Variants in CLIC4 observed in about 807,000 individuals in gnomAD.
CLIC4 encodes the protein CLIC family member 4.
Under a neutral mutation model 24.6 loss-of-function variants are expected in CLIC4, and 13 were observed. That is an observed-to-expected ratio of 0.53 (90% CI 0.34 to 0.84). The LOEUF is 0.84. CLIC4 is among the 40% of genes least tolerant of loss of function. The pLI, the probability that CLIC4 is intolerant of heterozygous loss-of-function variation, is 0.01. For missense variants in CLIC4, 227 were observed against 301.7 expected, an observed-to-expected ratio of 0.75 and a Z score of 1.83; for synonymous variants, 104 against 111.3, an observed-to-expected ratio of 0.93 and a Z score of 0.41.
At chr1:24,808,851 T>C (rs1030917391) in intron 2 of CLIC4, among the ~76,000 whole-genome samples, 1 of 151,978 alleles carries the variant, frequency 6.6e-6, no homozygotes, top group Admixed American at 6.6e-5. Context: ...TAATTTTTTT[T>C]ATTTTTAGTA....
At chr1:24,826,882 A>G in intron 3 of CLIC4, 128 bp from the exon 4 acceptor site, 1 of 584,004 alleles carries the variant, frequency 1.7e-6, no homozygotes, top group Non-Finnish European at 3.0e-6. Context: ...CATAGAAAAC[A>G]AATGATGGTA....
intron 1 of CLIC4, among the ~76,000 whole-genome samples, chr1:24,792,036 G>A (rs1412409222): frequency 2.2e-5 from 3 of 135,774 alleles, no homozygotes; most frequent in African/African-American, 8.4e-5. Context: ...GCAACAGAGC[G>A]AGACTCCACC....
chr1:24,770,301 T>C (rs2124100705), intron 1 of CLIC4, among the ~76,000 whole-genome samples: 1 of 150,742 alleles, frequency 6.6e-6, no homozygotes, highest in African/African-American at 2.4e-5. Context: ...CCTTCAGAGG[T>C]TGGTAGAAAA....
rs576105299 is a variant in CLIC4, at chr1:24,757,789, A to G, written c.72+12164A>G. The stretch of plus-strand genomic sequence containing the variant: ...TTTCTTTTCTTTCTTTTTTTTTGAG[A>G]CACAGTCTTCCTCTGTGGCCCAGGC... On this transcript the variant is annotated intron_variant, in intron 1 of 5. Transcript: ENST00000374379. Among the ~76,000 whole-genome samples, 22 of 150,350 alleles carry G rather than the reference A, an allele frequency of 1.5e-4. 1 individual carries two copies. In the East Asian group the frequency reaches 3.9e-3, roughly 27 times the overall value.
intron 1 of CLIC4, among the ~76,000 whole-genome samples, chr1:24,786,222 G>A (rs537404903): frequency 9.9e-5 from 15 of 152,284 alleles, no homozygotes; most frequent in Admixed American, 2.6e-4. Flanking sequence ...AGAGAAGAAT[G>A]AAGTTAAAGC....
chr1:24,826,244 G>T (rs1475626663), intron 3 of CLIC4, among the ~76,000 whole-genome samples: 1 of 152,166 alleles, frequency 6.6e-6, no homozygotes, highest in Admixed American at 6.5e-5. Flanking sequence ...TCATTTTGTT[G>T]TTGTTCGGTG....
At chr1:24,789,808 G>GT (rs1034269280) in intron 1 of CLIC4, among the ~76,000 whole-genome samples, 3 of 151,156 alleles carry the variant, frequency 2.0e-5, no homozygotes, top group South Asian at 4.2e-4. Context: ...GAGGCTTTCT[G>GT]TTTTTTCATT....
rs578037809 is a variant in CLIC4, at chr1:24,803,669, C to T, written c.182+5818C>T. 3.3e-5 allele frequency among the ~76,000 whole-genome samples: 5 copies of T among 152,212 alleles called. No homozygotes were observed. In the East Asian group the frequency reaches 5.8e-4, roughly 18 times the overall value. ...CACAAAGAATTTCAATTTACATCAA[C>T]GATTTGAACAAAAGCTTCAGATAAT... On this transcript the variant is annotated intron_variant, in intron 2 of 5. Coordinates refer to ENST00000374379, the MANE Select transcript of CLIC4 (RefSeq NM_013943.3).
intron 2 of CLIC4, among the ~76,000 whole-genome samples, chr1:24,799,206 C>T (rs1441800393): frequency 2.0e-5 from 3 of 150,956 alleles, no homozygotes; most frequent in Non-Finnish European, 4.4e-5. Context: ...TGAGGAGCGG[C>T]GCCTCTTCCC....
intron 2 of CLIC4, among the ~76,000 whole-genome samples, chr1:24,811,342 A>G (rs1639612735): frequency 6.6e-6 from 1 of 152,186 alleles, no homozygotes; most frequent in African/African-American, 2.4e-5. Context: ...CGAGAGGAGA[A>G]TGAGAGTGAA....
chr1:24,811,240 A>G (rs1639611839), intron 2 of CLIC4, among the ~76,000 whole-genome samples: 1 of 152,220 alleles, frequency 6.6e-6, no homozygotes, highest in South Asian at 2.1e-4. Flanking sequence ...ACATCTTAGA[A>G]GAGGTTTCTC....
chr1:24,774,484 T>C (rs1297924375), intron 1 of CLIC4, among the ~76,000 whole-genome samples: 1 of 152,168 alleles, frequency 6.6e-6, no homozygotes, highest in African/African-American at 2.4e-5. Context: ...GTTATTGTTA[T>C]TCTTTCAGCA....
At chr1:24,788,278 C>T (rs1041980447) in intron 1 of CLIC4, among the ~76,000 whole-genome samples, 2 of 152,206 alleles carry the variant, frequency 1.3e-5, no homozygotes, top group Non-Finnish European at 2.9e-5. Flanking sequence ...ATGTTAGCCA[C>T]CACGCCTGGC....
rs370137444 is a variant in CLIC4 at position 24,817,081 on chromosome 1, A to G, written c.308+2862A>G. On this transcript the variant is annotated intron_variant, in intron 3 of 5. Transcript: ENST00000374379. ...AGACGTTGACTTTTTCTCTGTAGCT[A>G]TGAAAATCATAGATGACATCTTTCA... is the stretch of plus-strand genomic sequence containing the variant. Among the ~76,000 whole-genome samples, 188 of 152,330 alleles carry G rather than the reference A, an allele frequency of 1.2e-3. 6 individuals carry two copies. In the South Asian group the frequency reaches 0.038, roughly 31 times the overall value.
intron 2 of CLIC4, among the ~76,000 whole-genome samples, chr1:24,806,399 T>C (rs1484183863): frequency 6.6e-6 from 1 of 152,212 alleles, no homozygotes; most frequent in African/African-American, 2.4e-5. Flanking sequence ...ACTAATACGT[T>C]TGAAGGCACT....
rs968761562 is a variant in CLIC4, at chr1:24,843,267, G to A, written c.*2330G>A. 16 of 152,178 alleles carry A rather than the reference G, an allele frequency of 1.1e-4. No homozygotes were observed. The highest frequency in any genetic ancestry group is 2.9e-4 in the African/African-American group (12 of 41,448). The allele number at this position is 152,178 out of a possible 1,614,324, so 9.4% of individuals were successfully genotyped here. A position where few individuals can be genotyped will look rare whatever the true frequency, so the allele number is the denominator to read the frequency against. On this transcript the variant is annotated 3_prime_UTR_variant, in exon 6 of 6. Coordinates refer to ENST00000374379, the MANE Select transcript of CLIC4 (RefSeq NM_013943.3). Reference sequence around the variant, plus strand: ...ACAAAAGCTAGCTAGTAAAAAGGACGACCCAGCAACATGCTTTAACCCCAT... The same window carrying A: ...ACAAAAGCTAGCTAGTAAAAAGGACAACCCAGCAACATGCTTTAACCCCAT...
At chr1:24,839,777 T>G in intron 4 of CLIC4, 83 bp from the exon 5 acceptor site, 2 of 1,197,240 alleles carry the variant, frequency 1.7e-6, no homozygotes, top group South Asian at 3.0e-5. Flanking sequence ...AAACAGTTAT[T>G]GACTCAAAGA....
chr1:24,770,488 T>C (rs1168953807), intron 1 of CLIC4, among the ~76,000 whole-genome samples: 1 of 152,192 alleles, frequency 6.6e-6, no homozygotes. Flanking sequence ...GATCTGTTTT[T>C]TCCCCCCTTG....
intron 1 of CLIC4, among the ~76,000 whole-genome samples, chr1:24,757,005 C>T (rs544898915): frequency 6.6e-6 from 1 of 152,068 alleles, no homozygotes; most frequent in African/African-American, 2.4e-5. Flanking sequence ...AAGCAATTCT[C>T]CTGCCTCAGC....
Sources: allele counts gnomAD v4.1 joint callset (sites outside exome capture counted in the v4.1 genomes callset), GRCh38; gene constraint gnomAD v4.1.1; transcripts MANE v1.5; gene names NCBI Gene and HGNC (gene_info 2026-07-23, HGNC 2026-07-21).